The following CMYA5 variants were observed in gnomAD, a reference collection of about 807,000 sequenced individuals.
CMYA5 encodes cardiomyopathy associated 5.
Under a neutral mutation model 318.9 loss-of-function variants are expected in CMYA5, and 246 were observed. The observed-to-expected ratio is 0.77, with a 90% CI of 0.70 to 0.86. CMYA5 has a LOEUF of 0.86. Among genes scored for constraint, CMYA5 ranks in the 40% least tolerant of loss-of-function variants. CMYA5 has a pLI of 0.00. For missense variants in CMYA5, 4,589 were observed against 4,678.2 expected, an observed-to-expected ratio of 0.98 and a Z score of 0.56; for synonymous variants, 1,641 against 1,729.5, an observed-to-expected ratio of 0.95 and a Z score of 1.27.
Position 79,791,042 on chromosome 5 carries a change from G to T in CMYA5, c.11762G>T (p.Ser3921Ile). 6.2e-7 allele frequency: 1 copy of T among 1,613,756 alleles called. No homozygotes were observed. The change falls in exon 11 of 13, where the codon AGC becomes ATC. Residue 3921 changes from serine (S) to isoleucine (I), a missense_variant. By Grantham distance (142) the Ser-to-Ile change is moderately radical. Around this residue, in one of 3 missense-constraint regions of CMYA5, gnomAD observed 2,431 missense variants for 2,495.1 expected, o/e 0.97. Coordinates refer to ENST00000446378, the MANE Select transcript of CMYA5 (RefSeq NM_153610.5). ...ATTTCCTCAAGTGGGACAGTGATCA[G>T]CTTTGGTGAGAGGAGACGGCTGACG... The part of the protein sequence containing the change: ...LHISSSGTVI[S>I]FGERRRLTEI...
chr5:79,763,262 T>G, intron 9 of CMYA5, 53 bp downstream of exon 9: 36 of 1,477,068 alleles, frequency 2.4e-5, no homozygotes, highest in Non-Finnish European at 2.9e-5. Flanking sequence ...AACCAAGCTC[T>G]GGGTCCTAAA....
At chr5:79,753,948 T>C (rs1828480363) in intron 6 of CMYA5, among the ~76,000 whole-genome samples, 1 of 152,246 alleles carries the variant, frequency 6.6e-6, no homozygotes, top group Non-Finnish European at 1.5e-5. Context: ...AGGGATTCAT[T>C]ATATGCCACT....
At chr5:79,713,435 A>C (rs193091439) in intron 1 of CMYA5, among the ~76,000 whole-genome samples, 1 of 151,976 alleles carries the variant, frequency 6.6e-6, no homozygotes, top group Non-Finnish European at 1.5e-5. Context: ...TCACTAAGCT[A>C]TGTAACAATG....
At position 79,734,500 on chromosome 5, in the gene CMYA5, G is replaced by T. The variant is rs1339697814; in HGVS notation, c.5735G>T (p.Gly1912Val). ...VASQHEQRIA[G>V]SVQLDSSSSN... ...AGTCAACACGAACAGAGAATAGCAG[G>T]ATCTGTGCAGCTGGATTCCTCTAGC... is the stretch of plus-strand genomic sequence containing the variant. Residue 1912 changes from glycine (G) to valine (V), a missense_variant, in exon 2 of 13, where the codon GGA (glycine) becomes GTA (valine). Physicochemically the swap from Gly to Val is moderately radical, Grantham distance 109 (BLOSUM62 -3). Transcript: ENST00000446378. 1 of 1,613,726 alleles carries T rather than the reference G, an allele frequency of 6.2e-7. No individual in the cohort carries two copies. Among genetic ancestry groups the T allele is most frequent in the South Asian group, 1.1e-5 (1 of 91,076 alleles).
At chr5:79,792,765 T>C (rs1399427201) in intron 11 of CMYA5, among the ~76,000 whole-genome samples, 1 of 152,234 alleles carries the variant, frequency 6.6e-6, no homozygotes, top group Non-Finnish European at 1.5e-5. Context: ...GAAAGTGCTT[T>C]TGGTTCATTT....
At chr5:79,707,890 A>G (rs1285481964) in intron 1 of CMYA5, among the ~76,000 whole-genome samples, 4 of 152,198 alleles carry the variant, frequency 2.6e-5, no homozygotes, top group Admixed American at 2.0e-4. Flanking sequence ...GAAGTCTGAG[A>G]TCAAGGCACT....
Position 79,734,940 on chromosome 5 carries a change from C to G in CMYA5, c.6175C>G (p.Gln2059Glu), listed in dbSNP as rs754427550. The G allele has an allele frequency of 7.4e-6, 12 of 1,613,798 alleles. No individual in the cohort carries two copies. Among genetic ancestry groups the G allele is most frequent in the Non-Finnish European group, 9.3e-6 (11 of 1,179,798 alleles). The part of the protein sequence containing the change: ...QKPVSGLSVE[Q>E]VKSETISSSV... ...ACCAGTGTCTGGCCTATCAGTGGAA[C>G]AGGTGAAGTCAGAAACAATCTCCTC... Residue 2059 changes from glutamine (Q) to glutamate (E), a missense_variant, in exon 2 of 13, where the codon CAG (glutamine) becomes GAG (glutamate). Physicochemically the swap from Gln to Glu is conservative, Grantham distance 29. This residue lies in a region of CMYA5 where 2,431 missense variants were observed against 2,495.1 expected (regional missense o/e 0.97). Transcript: ENST00000446378.
intron 1 of CMYA5, among the ~76,000 whole-genome samples, chr5:79,695,665 A>C (rs1259467133): frequency 1.3e-5 from 2 of 152,232 alleles, no homozygotes; most frequent in Admixed American, 1.3e-4. Flanking sequence ...CAGGGACACA[A>C]AGAGGATTGG....
intron 1 of CMYA5, among the ~76,000 whole-genome samples, chr5:79,696,713 A>G (rs1055835613): frequency 9.2e-5 from 14 of 152,212 alleles, no homozygotes; most frequent in Admixed American, 7.9e-4. Flanking sequence ...ATTTAAAGAA[A>G]TGTTTTTATT....
intron 1 of CMYA5, among the ~76,000 whole-genome samples, chr5:79,721,525 T>C (rs907030709): frequency 6.6e-6 from 1 of 152,180 alleles, no homozygotes; most frequent in South Asian, 2.1e-4. Context: ...TTTTAAAAAC[T>C]ATATGCTGCT....
intron 1 of CMYA5, among the ~76,000 whole-genome samples, chr5:79,699,120 T>C (rs993908200): frequency 1.4e-4 from 22 of 151,928 alleles, no homozygotes; most frequent in African/African-American, 4.8e-4. Flanking sequence ...ATGGTACCAC[T>C]GCACTCCAGC....
intron 1 of CMYA5, among the ~76,000 whole-genome samples, chr5:79,714,033 G>A (rs936834804): frequency 5.9e-5 from 9 of 152,180 alleles, no homozygotes; most frequent in Non-Finnish European, 1.3e-4. Context: ...CCCTAGGAAA[G>A]ACAGAATGAT....
At chr5:79,784,739 G>A (rs376599943) in intron 9 of CMYA5, among the ~76,000 whole-genome samples, 3 of 144,408 alleles carry the variant, frequency 2.1e-5, no homozygotes, top group Non-Finnish European at 4.5e-5. Flanking sequence ...GACCCCTTGC[G>A]CTTCCCAGGT....
rs771571752 is a variant in CMYA5 at position 79,729,374 on chromosome 5, G to A, written c.609G>A (p.Pro203=). The change falls in exon 2 of 13, where the codon CCG becomes CCA. Residue 203 remains proline (P), a synonymous_variant. Coordinates refer to ENST00000446378, the MANE Select transcript of CMYA5 (RefSeq NM_153610.5). The part of the protein sequence containing the change: ...RKKKTTSNTP[P]ITGAIYKEHK... ...AGAAGACCACTTCAAATACACCTCC[G>A]ATTACTGGGGCAATATACAAAGAAC... 55 of 1,613,628 alleles carry A rather than the reference G, an allele frequency of 3.4e-5. No homozygotes were observed. The East Asian group carries it at 4.7e-4, about 14-fold the overall frequency.
Position 79,736,178 on chromosome 5 carries a change from G to A in CMYA5, c.7413G>A (p.Lys2471=). Reference sequence around the variant, plus strand: ...GATCATATACCTTGGCAGAAAAGAAGGTGCTGGCAGAAAAACAAAACTCTG... The same window carrying A: ...GATCATATACCTTGGCAGAAAAGAAAGTGCTGGCAGAAAAACAAAACTCTG... ...ENRSYTLAEK[K]VLAEKQNSVA... Residue 2471 remains lysine (K), a synonymous_variant, in exon 2 of 13, where the codon AAG becomes AAA. Transcript: ENST00000446378. The A allele has an allele frequency of 6.2e-7, 1 of 1,613,686 alleles. No homozygotes were observed. Among genetic ancestry groups the A allele is most frequent in the Non-Finnish European group, 8.5e-7 (1 of 1,179,768 alleles).
rs758095351 is a variant in CMYA5 at position 79,730,627 on chromosome 5, T to A, written c.1862T>A (p.Val621Glu). The A allele has an allele frequency of 2.5e-6, 4 of 1,614,002 alleles. No individual in the cohort carries two copies. The change falls in exon 2 of 13, where the codon GTA (valine) becomes GAA (glutamate). Residue 621 changes from valine (V) to glutamate (E), a missense_variant. Around this residue, in one of 3 missense-constraint regions of CMYA5, gnomAD observed 2,132 missense variants for 2,131.3 expected, o/e 1.00. Coordinates refer to ENST00000446378, the MANE Select transcript of CMYA5 (RefSeq NM_153610.5). The part of the protein sequence containing the change: ...QEGEPVPPSN[V>E]EAIAEHAVLS... ...GGTGAGCCAGTTCCCCCATCCAATG[T>A]AGAAGCTATAGCTGAACATGCAGTT...
chr5:79,776,698 T>C (rs1828945609), intron 9 of CMYA5, among the ~76,000 whole-genome samples: 2 of 152,218 alleles, frequency 1.3e-5, no homozygotes, highest in Admixed American at 6.5e-5. Context: ...TGTACTCTGT[T>C]CACAGTTCAC....
At chr5:79,743,138 G>A (rs1002677138) in intron 2 of CMYA5, among the ~76,000 whole-genome samples, 1 of 152,234 alleles carries the variant, frequency 6.6e-6, no homozygotes, top group Non-Finnish European at 1.5e-5. Flanking sequence ...GTCTGTGGTA[G>A]TGAATCAGAC....
At chr5:79,792,409 G>A (rs77480210) in intron 11 of CMYA5, among the ~76,000 whole-genome samples, 2,567 of 152,306 alleles carry the variant, frequency 0.017, 32 homozygotes, top group Middle Eastern at 0.061. Flanking sequence ...AAATAGACTG[G>A]AGGAGGGTAA....
Sources: allele counts gnomAD v4.1 joint callset (sites outside exome capture counted in the v4.1 genomes callset), GRCh38; gene constraint gnomAD v4.1.1; regional missense constraint gnomAD v4.1.1; transcripts MANE v1.5; gene names NCBI Gene and HGNC (gene_info 2026-07-23, HGNC 2026-07-21).